Variants in SMIM13 observed in about 807,000 individuals in gnomAD.
SMIM13 encodes the protein UPF0766 protein C6orf228.
In SMIM13, 3 loss-of-function variants were observed where a neutral mutation model predicts 5.9. That is an observed-to-expected ratio of 0.51 (90% CI 0.23 to 1.31). SMIM13 has a LOEUF of 1.31. Ranked by LOEUF, SMIM13 falls within the 40% of genes most tolerant of loss-of-function variation. The pLI, the probability that SMIM13 is intolerant of heterozygous loss-of-function variation, is 0.18. For missense variants in SMIM13, 85 were observed against 109.9 expected (o/e 0.77, Z 1.01); for synonymous variants, 55 against 46.0 (o/e 1.19, Z -0.79).
chr6:11,127,471 C>G (rs899210187), intron 1 of SMIM13, among the ~76,000 whole-genome samples: 3 of 152,202 alleles, frequency 2.0e-5, no homozygotes, highest in African/African-American at 7.2e-5. Flanking sequence ...AGTCCACTTT[C>G]ATGCTGCTGA....
chr6:11,101,994 TC>T (rs1758000589), intron 1 of SMIM13, among the ~76,000 whole-genome samples: 1 of 152,178 alleles, frequency 6.6e-6, no homozygotes, highest in Non-Finnish European at 1.5e-5. Context: ...CACCTCAGCC[TC>T]CCAAAGTGCT....
intron 1 of SMIM13, chr6:11,105,033 A>G: frequency 6.2e-7 from 1 of 1,614,226 alleles, no homozygotes; most frequent in Non-Finnish European, 8.5e-7. Flanking sequence ...TACTGTTGAA[A>G]GAAGACTATT....
rs777979093 is a variant in SMIM13 at position 11,134,451 on chromosome 6, G to A, written c.125G>A (p.Arg42Gln). Residue 42 changes from arginine to glutamine, a missense_variant, in exon 2 of 2, where the codon CGG becomes CAG. Physicochemically the swap from Arg to Gln is conservative, Grantham distance 43. Coordinates refer to ENST00000416247, the MANE Select transcript of SMIM13 (RefSeq NM_001135575.2). Reference sequence around the variant, plus strand: ...TTTTTATCAAAATTCAAGTTTCTCCGGGAACTGGTGGGAGACACAGGATCC... The same window carrying A: ...TTTTTATCAAAATTCAAGTTTCTCCAGGAACTGGTGGGAGACACAGGATCC... Reference protein sequence around the residue: ...HLFLSKFKFLRELVGDTGSQE... With the variant: ...HLFLSKFKFLQELVGDTGSQE... 5.8e-6 allele frequency: 9 copies of A among 1,550,514 alleles called. 1 individual carries two copies. The South Asian group carries it at 6.0e-5, about 10-fold the overall frequency.
At position 11,134,586 on chromosome 6, in the gene SMIM13, A is replaced by G. The variant is rs1021998409; in HGVS notation, c.260A>G (p.His87Arg). 7 of 1,548,132 alleles carry G rather than the reference A, an allele frequency of 4.5e-6. No homozygotes were observed. The African/African-American group carries it at 9.6e-5, about 21-fold the overall frequency. Residue 87 changes from histidine (H) to arginine (R), a missense_variant, in exon 2 of 2, where the codon CAC becomes CGC. By Grantham distance (29) the His-to-Arg change is conservative (BLOSUM62 0). Coordinates refer to ENST00000416247, the MANE Select transcript of SMIM13 (RefSeq NM_001135575.2). ...RQRRAPADEG[H>R]RPLT is the part of the protein sequence containing the mutation. ...AGGAGGGCACCTGCTGATGAAGGCC[A>G]CAGACCCCTGACATAGTCCTGTACT...
chr6:11,111,608 G>A (rs1408630666), intron 1 of SMIM13: 1 of 152,332 alleles, frequency 6.6e-6, no homozygotes, highest in Non-Finnish European at 1.5e-5. Flanking sequence ...GAGTGAAAGA[G>A]GAGAACGAAA....
chr6:11,118,204 A>G (rs1476746884), intron 1 of SMIM13, among the ~76,000 whole-genome samples: 1 of 152,182 alleles, frequency 6.6e-6, no homozygotes, highest in Non-Finnish European at 1.5e-5. Context: ...CGTCCCATAT[A>G]TAATCAAAAG....
chr6:11,123,334 C>T (rs1465749182), intron 1 of SMIM13, among the ~76,000 whole-genome samples: 6 of 152,178 alleles, frequency 3.9e-5, no homozygotes, highest in Non-Finnish European at 7.3e-5. Context: ...CGCTTCCTCC[C>T]GTGCTCTCTC....
chr6:11,137,843 C>T lies in SMIM13; in HGVS notation c.*3241C>T, dbSNP rs1411368364. 1 of 152,114 alleles carries T rather than the reference C, an allele frequency of 6.6e-6. No individual in the cohort carries two copies. The highest frequency in any genetic ancestry group is 1.5e-5 in the Non-Finnish European group (1 of 67,998). 9.4% of individuals were successfully genotyped at this position (152,114 alleles called of 1,614,324 possible). ...GATGGATTTTGTAGTGATGTTTTCACAGTTGAAACAAACATATTGCTGTGC... is the reference window on the plus strand; with the variant it reads ...GATGGATTTTGTAGTGATGTTTTCATAGTTGAAACAAACATATTGCTGTGC... On this transcript the variant is annotated 3_prime_UTR_variant, in exon 2 of 2. Coordinates refer to ENST00000416247, the MANE Select transcript of SMIM13 (RefSeq NM_001135575.2).
At chr6:11,104,032 G>A in intron 1 of SMIM13, 2 of 1,551,728 alleles carry the variant, frequency 1.3e-6, no homozygotes, top group Non-Finnish European at 8.7e-7. Flanking sequence ...ATTCCTCCCT[G>A]TGCTGCCGTT....
intron 1 of SMIM13, among the ~76,000 whole-genome samples, chr6:11,128,408 C>T (rs561237197): frequency 6.6e-5 from 10 of 152,246 alleles, no homozygotes; most frequent in Admixed American, 6.5e-4. Flanking sequence ...AAGACAAAGT[C>T]CTCTTCACTG....
chr6:11,113,878 C>T (rs1327674729), intron 1 of SMIM13, among the ~76,000 whole-genome samples: 4 of 151,224 alleles, frequency 2.6e-5, no homozygotes, highest in African/African-American at 9.7e-5. Flanking sequence ...CACCCGGCTG[C>T]CTTTTTATTT....
intron 1 of SMIM13, among the ~76,000 whole-genome samples, chr6:11,096,943 G>A (rs979072203): frequency 6.6e-6 from 1 of 152,130 alleles, no homozygotes; most frequent in Non-Finnish European, 1.5e-5. Flanking sequence ...CACCCGCCTC[G>A]GCTTCCCAAA....
rs928337440 is a variant in SMIM13, at chr6:11,131,408, T to C, written c.77-2995T>C. On this transcript the variant is annotated intron_variant, in intron 1 of 1. Transcript: ENST00000416247. Reference sequence around the variant, plus strand: ...TGTCAAAATTCTTGATGCCATTTTTTTTTTTTTTTACTGAAATCGATAAGA... The same window carrying C: ...TGTCAAAATTCTTGATGCCATTTTTCTTTTTTTTTACTGAAATCGATAAGA... 3.3e-4 allele frequency among the ~76,000 whole-genome samples: 50 copies of C among 152,234 alleles called. 1 individual carries two copies. The highest frequency in any genetic ancestry group is 5.1e-4 in the African/African-American group (21 of 41,534).
intron 1 of SMIM13, chr6:11,103,258 T>C (rs13203123): frequency 0.18 from 30,572 of 165,920 alleles, 3,239 homozygotes; most frequent in African/African-American, 0.29. Context: ...TATCAGGAAG[T>C]GGCTGATCAC....
intron 1 of SMIM13, among the ~76,000 whole-genome samples, chr6:11,129,689 CTG>C (rs1408629343): frequency 3.9e-5 from 6 of 151,942 alleles, no homozygotes; most frequent in African/African-American, 9.7e-5. Context: ...GTCTATGTGT[CTG>C]TTTTTTTATT....
At chr6:11,126,680 TC>T (rs1758381011) in intron 1 of SMIM13, among the ~76,000 whole-genome samples, 1 of 147,770 alleles carries the variant, frequency 6.8e-6, no homozygotes, top group South Asian at 2.1e-4. Flanking sequence ...TCTTGATACT[TC>T]TGGATGTTTA....
intron 1 of SMIM13, among the ~76,000 whole-genome samples, chr6:11,122,811 A>G (rs1309212060): frequency 6.6e-6 from 1 of 152,096 alleles, no homozygotes; most frequent in Non-Finnish European, 1.5e-5. Flanking sequence ...CCTGTGATAG[A>G]GGCTGTCCTC....
chr6:11,110,356 G>C (rs1758149032), intron 1 of SMIM13, among the ~76,000 whole-genome samples: 2 of 152,208 alleles, frequency 1.3e-5, no homozygotes, highest in African/African-American at 4.8e-5. Context: ...TCCTTGGGCT[G>C]TCCTATATCC....
intron 1 of SMIM13, among the ~76,000 whole-genome samples, chr6:11,122,262 A>G (rs903707823): frequency 6.6e-6 from 1 of 152,238 alleles, no homozygotes; most frequent in African/African-American, 2.4e-5. Flanking sequence ...CAGATTTTGA[A>G]GTTCGAATGA....
Sources: gnomAD v4.1 joint callset for allele counts (sites outside exome capture counted in the v4.1 genomes callset) on GRCh38, gnomAD v4.1.1 for gene constraint, MANE v1.5 for transcripts, NCBI Gene and HGNC (gene_info 2026-07-23, HGNC 2026-07-21) for gene names.